The following HTR2C variants were observed in gnomAD, a reference collection of about 807,000 sequenced individuals.
The protein encoded by HTR2C is 5-hydroxytryptamine receptor 2C, also known as 5-hydroxytryptamine (serotonin) receptor 2C, G protein-coupled.
In HTR2C, 5 loss-of-function variants were observed where a neutral mutation model predicts 21.0. That is an observed-to-expected ratio of 0.24 (90% confidence interval 0.12 to 0.50). The LOEUF is 0.50. Among genes scored for constraint, HTR2C ranks in the 20% least tolerant of loss-of-function variants. The pLI is 0.98. For missense variants in HTR2C, 271 were observed against 371.2 expected (o/e 0.73, Z 2.22); for synonymous variants, 150 against 145.3 (o/e 1.03, Z -0.23).
At position 114,774,941 on chromosome X, in the gene HTR2C, G is replaced by T. The variant is rs1369882234; in HGVS notation, c.349+43334G>T. The T allele has an allele frequency of 3.2e-5, 17 of 526,513 alleles. No homozygotes were observed. The South Asian group carries it at 3.9e-4, about 12-fold the overall frequency. 43.4% of individuals were successfully genotyped at this position (526,513 alleles called of 1,213,427 possible). A position where few individuals can be genotyped will look rare whatever the true frequency, so the allele number is the denominator to read the frequency against. On this transcript the variant is annotated intron_variant, in intron 4 of 5. Coordinates refer to ENST00000276198, the MANE Select transcript of HTR2C (RefSeq NM_000868.4). Reference sequence around the variant, plus strand: ...GGCATGCCTCCTGCACTCTGGTACCGCTTGCTAATGATGAGATTGCAGACT... The same window carrying T: ...GGCATGCCTCCTGCACTCTGGTACCTCTTGCTAATGATGAGATTGCAGACT...
rs1569496099 is a variant in HTR2C, at chrX:114,807,046, TACCATATATAC to T, written c.350-40946_350-40936del. On this transcript the variant is annotated intron_variant, in intron 4 of 5. Transcript: ENST00000276198. ...ATATATACCATATACACCATATATA[TACCATATATAC>T]ACCATATATATACCATATATACACC... 3.3e-4 allele frequency among the ~76,000 whole-genome samples: 4 copies of T among 12,001 alleles called. 2 individuals carry two copies. The Admixed American group carries it at 7.2e-3, about 22-fold the overall frequency. The allele number at this position is 12,001 out of a possible 115,157, so 10.4% of individuals were successfully genotyped here.
chrX:114,731,674 CAT>C (rs2147346643), intron 4 of HTR2C, 67 bp downstream of exon 4: 3 of 795,755 alleles, frequency 3.8e-6, no homozygotes, highest in Admixed American at 3.3e-5. Context: ...AGTAAACACT[CAT>C]AAAGTTAATT....
At chrX:114,728,323 ACAAT>A (rs1410709075) in intron 3 of HTR2C, among the ~76,000 whole-genome samples, 11 of 111,504 alleles carry the variant, frequency 9.9e-5, no homozygotes, top group African/African-American at 2.9e-4. Context: ...GAGCTTAAAA[ACAAT>A]TAGGATAAAC....
chrX:114,588,907 G>A (rs1927517862), intron 1 of HTR2C, among the ~76,000 whole-genome samples: 1 of 111,459 alleles, frequency 9.0e-6, no homozygotes, highest in South Asian at 3.8e-4. Context: ...AGGTTTACAG[G>A]TATATAACCA....
At chrX:114,761,999 C>CGTGTATATAT (rs2069881487) in intron 4 of HTR2C, among the ~76,000 whole-genome samples, 1,641 of 7,588 alleles carry the variant, frequency 0.22, 545 homozygotes, top group East Asian at 0.86. Context: ...ACTATATATA[C>CGTGTATATAT]ACATATATAT....
At chrX:114,662,970 T>C (rs1342679844) in intron 2 of HTR2C, among the ~76,000 whole-genome samples, 2 of 111,686 alleles carry the variant, frequency 1.8e-5, no homozygotes, top group African/African-American at 6.5e-5. Context: ...CAATGCTGTA[T>C]AACAGAGAAA....
intron 4 of HTR2C, among the ~76,000 whole-genome samples, chrX:114,744,953 C>T (rs1350619706): frequency 2.7e-5 from 3 of 111,813 alleles, no homozygotes; most frequent in African/African-American, 9.8e-5. Flanking sequence ...AACATATAAA[C>T]TCCCAAAGAT....
At chrX:114,736,356 A>AG (rs1354067199) in intron 4 of HTR2C, among the ~76,000 whole-genome samples, 9 of 11,493 alleles carry the variant, frequency 7.8e-4, no homozygotes, top group Non-Finnish European at 1.5e-3. Context: ...GGGGTAGGTG[A>AG]AAGTATACCA....
chrX:114,701,874 T>A (rs1294697325), intron 2 of HTR2C, among the ~76,000 whole-genome samples: 1 of 111,912 alleles, frequency 8.9e-6, no homozygotes, highest in Non-Finnish European at 1.9e-5. Flanking sequence ...AAGGAGCTGA[T>A]GGAGCTGAAA....
At chrX:114,754,537 A>G (rs1171224136) in intron 4 of HTR2C, among the ~76,000 whole-genome samples, 1 of 111,912 alleles carries the variant, frequency 8.9e-6, no homozygotes, top group Non-Finnish European at 1.9e-5. Context: ...TGCAAAAGTA[A>G]TTCAATAGAG....
chrX:114,619,752 G>T (rs1293624524), intron 2 of HTR2C, among the ~76,000 whole-genome samples: 2 of 110,839 alleles, frequency 1.8e-5, no homozygotes, highest in Non-Finnish European at 3.8e-5. Context: ...TACCCTAATA[G>T]ATAACATCAT....
intron 2 of HTR2C, among the ~76,000 whole-genome samples, chrX:114,681,321 G>A (rs1931739457): frequency 9.0e-6 from 1 of 110,842 alleles, no homozygotes; most frequent in African/African-American, 3.3e-5. Context: ...ATCTTTGCCA[G>A]GCTTAATAAT....
intron 2 of HTR2C, among the ~76,000 whole-genome samples, chrX:114,616,531 A>G (rs1352027423): frequency 2.7e-5 from 3 of 111,252 alleles, no homozygotes; most frequent in Non-Finnish European, 5.7e-5. Flanking sequence ...AAGTGATCCA[A>G]CAGCCTCGGC....
At chrX:114,741,165 C>G (rs1556425258) in intron 4 of HTR2C, among the ~76,000 whole-genome samples, 10 of 110,112 alleles carry the variant, frequency 9.1e-5, no homozygotes, top group Non-Finnish European at 5.7e-5. Flanking sequence ...TGAGCGAAAA[C>G]AGAAACAGAA....
At chrX:114,857,233 T>C (rs1399476184) in intron 5 of HTR2C, among the ~76,000 whole-genome samples, 1 of 111,517 alleles carries the variant, frequency 9.0e-6, no homozygotes, top group African/African-American at 3.3e-5. Context: ...TATATACTTT[T>C]CCTGGCTTGC....
chrX:114,886,762 G>C (rs1392907457), intron 5 of HTR2C, among the ~76,000 whole-genome samples: 1 of 110,637 alleles, frequency 9.0e-6, no homozygotes, highest in Non-Finnish European at 1.9e-5. Flanking sequence ...ATTTCATAGA[G>C]GAAAGGAGCA....
chrX:114,636,500 T>A (rs1404467388), intron 2 of HTR2C, among the ~76,000 whole-genome samples: 4 of 112,158 alleles, frequency 3.6e-5, no homozygotes, highest in African/African-American at 9.7e-5. Context: ...ACTTGAAAAT[T>A]GTGGCATGAT....
At chrX:114,700,726 G>A (rs1236509261) in intron 2 of HTR2C, among the ~76,000 whole-genome samples, 7 of 112,394 alleles carry the variant, frequency 6.2e-5, no homozygotes, top group African/African-American at 1.9e-4. Context: ...TGGGTGCAGC[G>A]CACTGTGCGC....
intron 4 of HTR2C, 68 bp from the exon 5 acceptor site, chrX:114,847,935 T>G (rs2070886764): frequency 1.2e-6 from 1 of 847,898 alleles, no homozygotes; most frequent in East Asian, 3.2e-5. Flanking sequence ...ATAAGCAGAC[T>G]AAAATTTGAG....
Sources: gnomAD v4.1 joint callset for allele counts (sites outside exome capture counted in the v4.1 genomes callset) on GRCh38, gnomAD v4.1.1 for gene constraint, MANE v1.5 for transcripts, NCBI Gene and HGNC (gene_info 2026-07-23, HGNC 2026-07-21) for gene names.